The following ZNG1C variants were observed in gnomAD, a reference collection of about 807,000 sequenced individuals.
ZNG1C encodes zinc-regulated GTPase metalloprotein activator 1C.
the ZNG1C span, among the ~76,000 whole-genome samples, chr9:68,256,729 A>G: frequency 7.9e-6 from 1 of 127,258 alleles, no homozygotes; most frequent in Non-Finnish European, 1.6e-5. Flanking sequence ...TGGAATGGGT[A>G]TAAATAGTAA....
chr9:68,279,077 CT>C, the ZNG1C span, among the ~76,000 whole-genome samples: 1 of 84,846 alleles, frequency 1.2e-5, no homozygotes, highest in Non-Finnish European at 2.3e-5. Flanking sequence ...TTCTTTGTCT[CT>C]TTTGATCTTT....
chr9:68,247,169 T>C, the ZNG1C span, among the ~76,000 whole-genome samples: 1 of 152,166 alleles, frequency 6.6e-6, no homozygotes, highest in Non-Finnish European at 1.5e-5. Context: ...TTTTTACTCA[T>C]TGGGAATATT....
chr9:68,269,146 G>C, the ZNG1C span: 3 of 940,056 alleles, frequency 3.2e-6, no homozygotes, highest in South Asian at 1.8e-5. Context: ...AGTTAGTTTG[G>C]CATATTTGAC....
chr9:68,293,219 G>A, the ZNG1C span, among the ~76,000 whole-genome samples: 1 of 152,384 alleles, frequency 6.6e-6, no homozygotes, highest in African/African-American at 2.4e-5. Flanking sequence ...CCTCTTTAAA[G>A]CATAAATATC....
chr9:68,247,059 C>G, the ZNG1C span, among the ~76,000 whole-genome samples: 1 of 151,784 alleles, frequency 6.6e-6, no homozygotes, highest in East Asian at 1.9e-4. Context: ...GTCTCGATCT[C>G]CTGACCTCGT....
the ZNG1C span, among the ~76,000 whole-genome samples, chr9:68,257,356 A>C: frequency 8.3e-6 from 1 of 119,944 alleles, no homozygotes; most frequent in Non-Finnish European, 1.8e-5. Context: ...TTTTTAGTAA[A>C]ATCTTTATGG....
the ZNG1C span, among the ~76,000 whole-genome samples, chr9:68,245,664 A>G: frequency 1.1e-4 from 6 of 56,482 alleles, 1 homozygote; most frequent in African/African-American, 3.5e-4. Flanking sequence ...CAGTGGTGCA[A>G]TCTCAGCTCA....
At chr9:68,282,862 C>A in the ZNG1C span, among the ~76,000 whole-genome samples, 1 of 120,808 alleles carries the variant, frequency 8.3e-6, no homozygotes, top group African/African-American at 3.1e-5. Context: ...TTTTGGAGTA[C>A]CTGGAAAAAA....
the ZNG1C span, among the ~76,000 whole-genome samples, chr9:68,275,517 T>G: frequency 8.0e-6 from 1 of 124,760 alleles, no homozygotes; most frequent in East Asian, 2.9e-4. Context: ...GATGTTCCCC[T>G]TCCTGTGTCC....
At chr9:68,275,418 A>T in the ZNG1C span, among the ~76,000 whole-genome samples, 1 of 149,514 alleles carries the variant, frequency 6.7e-6, no homozygotes, top group Non-Finnish European at 1.5e-5. Context: ...CTGGTGTGCT[A>T]CACCCACTAA....
At chr9:68,247,257 G>A in the ZNG1C span, among the ~76,000 whole-genome samples, 10 of 151,628 alleles carry the variant, frequency 6.6e-5, no homozygotes, top group African/African-American at 2.2e-4. Context: ...GAGGTTGAAG[G>A]GCATACAGAA....
the ZNG1C span, among the ~76,000 whole-genome samples, chr9:68,244,582 G>T: frequency 7.3e-6 from 1 of 137,404 alleles, no homozygotes; most frequent in Admixed American, 7.4e-5. Context: ...CAAACCAAAT[G>T]TCCAACAAAA....
the ZNG1C span, among the ~76,000 whole-genome samples, chr9:68,296,505 T>A: frequency 4.7e-4 from 72 of 152,270 alleles, no homozygotes; most frequent in Non-Finnish European, 8.1e-4. Context: ...CTTTAATACT[T>A]TAGCGATTCT....
chr9:68,293,261 AAAAC>A, the ZNG1C span, among the ~76,000 whole-genome samples: 1 of 152,422 alleles, frequency 6.6e-6, no homozygotes, highest in Non-Finnish European at 1.5e-5. Context: ...TACAATTAGA[AAAAC>A]AACAAAAACC....
chr9:68,299,258 G>C, the ZNG1C span: 1 of 1,527,382 alleles, frequency 6.5e-7, no homozygotes, highest in East Asian at 2.3e-5. Flanking sequence ...GTAAAAGCTT[G>C]TTAGGACTTT....
the ZNG1C span, among the ~76,000 whole-genome samples, chr9:68,287,189 TAAATA>T: frequency 6.6e-6 from 1 of 151,230 alleles, no homozygotes; most frequent in Non-Finnish European, 1.5e-5. Flanking sequence ...ATAAATTCCT[TAAATA>T]TAAAATCTTT....
chr9:68,275,346 T>C, the ZNG1C span, among the ~76,000 whole-genome samples: 1 of 148,808 alleles, frequency 6.7e-6, no homozygotes, highest in Admixed American at 6.8e-5. Flanking sequence ...TTATTATTAT[T>C]TAAGTTTTAG....
At chr9:68,259,711 A>G in the ZNG1C span, among the ~76,000 whole-genome samples, 1 of 152,026 alleles carries the variant, frequency 6.6e-6, no homozygotes, top group East Asian at 1.9e-4. Context: ...GGATTTTACC[A>G]TGTTGACCAG....
At chr9:68,247,023 G>A in the ZNG1C span, among the ~76,000 whole-genome samples, 1 of 150,486 alleles carries the variant, frequency 6.6e-6, no homozygotes, top group Non-Finnish European at 1.5e-5. Flanking sequence ...TAGTAGAGAT[G>A]AGGTTTCATT....
Sources: gnomAD v4.1 joint callset for allele counts (sites outside exome capture counted in the v4.1 genomes callset) on GRCh38, gnomAD v4.1.1 for gene constraint, MANE v1.5 for transcripts, NCBI Gene and HGNC (gene_info 2026-07-23, HGNC 2026-07-21) for gene names.